SCLT1: variants seen among roughly 807,000 people sequenced by gnomAD.
The protein encoded by SCLT1 is sodium channel and clathrin linker 1, also known as sodium channel-associated protein 1.
Under a neutral mutation model 112.8 loss-of-function variants are expected in SCLT1, and 78 were observed. The ratio of observed to expected loss-of-function variants is 0.69; its 90% CI spans 0.58 to 0.83. The LOEUF (loss-of-function observed/expected upper bound fraction) is 0.83. Ranked by LOEUF, SCLT1 falls within the 40% of genes least tolerant of loss-of-function variation. SCLT1 has a pLI of 0.00. For missense variants in SCLT1, 747 were observed against 770.4 expected, an observed-to-expected ratio of 0.97 and a Z score of 0.36; for synonymous variants, 257 against 254.7, an observed-to-expected ratio of 1.01 and a Z score of -0.09.
At chr4:129,027,370 A>T (rs1337984545) in intron 5 of SCLT1, among the ~76,000 whole-genome samples, 10 of 152,230 alleles carry the variant, frequency 6.6e-5, no homozygotes, top group African/African-American at 2.4e-4. Context: ...AGTGGGCTTC[A>T]TCCCTGGGAT....
At chr4:129,048,581 T>C (rs1222571894) in intron 2 of SCLT1, among the ~76,000 whole-genome samples, 2 of 151,322 alleles carry the variant, frequency 1.3e-5, no homozygotes, top group Non-Finnish European at 3.0e-5. Flanking sequence ...AAGGACTTCA[T>C]GTCTAAAACA....
At chr4:128,879,623 CTA>C (rs1234905426), downstream of SCLT1, among the ~76,000 whole-genome samples, 1 of 152,122 alleles carries the variant, frequency 6.6e-6, no homozygotes, top group Non-Finnish European at 1.5e-5. Flanking sequence ...GGCTGTCGAA[CTA>C]TATGAGGTAA....
intron 20 of SCLT1, 97 bp downstream of exon 20, chr4:128,888,582 T>A (rs1188951682): frequency 4.7e-6 from 3 of 634,436 alleles, no homozygotes; most frequent in Non-Finnish European, 8.1e-6. Flanking sequence ...TTAAAATATG[T>A]TAATCTAGTA....
intron 9 of SCLT1, among the ~76,000 whole-genome samples, chr4:128,985,992 A>G (rs1742058005): frequency 6.6e-6 from 1 of 152,252 alleles, no homozygotes; most frequent in African/African-American, 2.4e-5. Flanking sequence ...GACCACCCAC[A>G]TAAGAAAGCA....
intron 18 of SCLT1, among the ~76,000 whole-genome samples, chr4:128,931,503 C>T (rs544680237): frequency 6.6e-5 from 10 of 152,126 alleles, no homozygotes; most frequent in Non-Finnish European, 1.2e-4. Context: ...CACTCTGTCG[C>T]CCAGGCTGGA....
At chr4:129,053,656 G>A (rs968794578) in intron 2 of SCLT1, among the ~76,000 whole-genome samples, 5 of 136,550 alleles carry the variant, frequency 3.7e-5, no homozygotes, top group African/African-American at 1.4e-4. Flanking sequence ...GTCTTTGCAT[G>A]TGAGTGGGTC....
At chr4:128,995,333 T>C (rs555272972) in intron 8 of SCLT1, among the ~76,000 whole-genome samples, 1 of 152,304 alleles carries the variant, frequency 6.6e-6, no homozygotes, top group African/African-American at 2.4e-5. Flanking sequence ...TTTTTCTCTG[T>C]TGCAACTCTC....
At chr4:128,914,023 C>T (rs1735287086) in intron 18 of SCLT1, among the ~76,000 whole-genome samples, 1 of 152,172 alleles carries the variant, frequency 6.6e-6, no homozygotes, top group Non-Finnish European at 1.5e-5. Flanking sequence ...TACTACTTAG[C>T]AGCTATTTCT....
At chr4:128,970,598 T>C (rs1740609455) in intron 9 of SCLT1, 130 bp from the exon 10 acceptor site, 2 of 616,180 alleles carry the variant, frequency 3.2e-6, no homozygotes, top group South Asian at 4.0e-5. Context: ...ATGGAATAAA[T>C]TTTGGAAGAT....
At chr4:129,061,481 T>C (rs897887513) in intron 2 of SCLT1, among the ~76,000 whole-genome samples, 1 of 152,104 alleles carries the variant, frequency 6.6e-6, no homozygotes, top group Non-Finnish European at 1.5e-5. Flanking sequence ...CAGAAGGTGA[T>C]AGCATACTTC....
intron 5 of SCLT1, among the ~76,000 whole-genome samples, chr4:129,023,007 G>A (rs1349796899): frequency 2.0e-5 from 3 of 152,018 alleles, no homozygotes; most frequent in Non-Finnish European, 4.4e-5. Context: ...ATCTTAAAGA[G>A]AATAATTTTC....
rs557386073 is a variant in SCLT1, at chr4:129,087,485, G to A, written c.35-5112C>T. Among the ~76,000 whole-genome samples the A allele has an allele frequency of 6.2e-3, 898 of 144,700 alleles. 7 individuals are homozygous for A. The highest frequency in any genetic ancestry group is 9.4e-3 in the Non-Finnish European group (620 of 65,614). The allele number at this position is 144,700 out of a possible 152,430, so 94.9% of individuals were successfully genotyped here. On this transcript the variant is annotated intron_variant, in intron 1 of 20. Transcript: ENST00000281142. ...AAAACCAGACAAAAATATTGGGAAG[G>A]AAAAAAAAAAAGGCACTTTAAGAGG...
At chr4:129,086,264 CTTGT>C (rs1419269368) in intron 1 of SCLT1, among the ~76,000 whole-genome samples, 2 of 151,710 alleles carry the variant, frequency 1.3e-5, no homozygotes, top group African/African-American at 4.9e-5. Context: ...ACTTATCTGG[CTTGT>C]TTAATTTGCG....
At chr4:128,952,725 A>T (rs1291148143) in intron 14 of SCLT1, 44 bp downstream of exon 14, 1 of 1,064,546 alleles carries the variant, frequency 9.4e-7, no homozygotes, top group South Asian at 1.3e-5. Flanking sequence ...TGGCCTTTAA[A>T]ATAAGTAATA....
chr4:128,929,199 T>G (rs1736556848), intron 18 of SCLT1, among the ~76,000 whole-genome samples: 2 of 152,222 alleles, frequency 1.3e-5, no homozygotes, highest in South Asian at 4.1e-4. Context: ...ACAAATAGCT[T>G]TCACATTTCT....
At chr4:128,911,027 G>C (rs1735054062) in intron 18 of SCLT1, among the ~76,000 whole-genome samples, 1 of 152,096 alleles carries the variant, frequency 6.6e-6, no homozygotes, top group Non-Finnish European at 1.5e-5. Flanking sequence ...ACTTTGGAAG[G>C]CCAAGGTGGG....
chr4:128,900,304 G>C (rs1734163859), intron 18 of SCLT1, among the ~76,000 whole-genome samples: 1 of 152,158 alleles, frequency 6.6e-6, no homozygotes. Flanking sequence ...AACCAAAACA[G>C]CATGGTACTG....
At chr4:128,910,735 A>G (rs1305607961) in intron 18 of SCLT1, among the ~76,000 whole-genome samples, 1 of 152,122 alleles carries the variant, frequency 6.6e-6, no homozygotes, top group African/African-American at 2.4e-5. Context: ...TATTTTATAT[A>G]TGAAATAAAG....
At chr4:129,059,143 T>G (rs548541456) in intron 2 of SCLT1, among the ~76,000 whole-genome samples, 1 of 152,324 alleles carries the variant, frequency 6.6e-6, no homozygotes, top group South Asian at 2.1e-4. Flanking sequence ...TCTTTTCCCA[T>G]GCCTTCTCTT....
Sources: allele counts gnomAD v4.1 joint callset (sites outside exome capture counted in the v4.1 genomes callset), GRCh38; gene constraint gnomAD v4.1.1; transcripts MANE v1.5; gene names NCBI Gene and HGNC (gene_info 2026-07-23, HGNC 2026-07-21).